Variants in DUSP3 observed in about 807,000 individuals in gnomAD.
DUSP3 encodes dual specificity phosphatase 3.
A neutral mutation model predicts 15.5 loss-of-function variants in DUSP3; 7 were observed. That is an observed-to-expected ratio of 0.45 (90% confidence interval 0.26 to 0.85). DUSP3 has a LOEUF of 0.85. DUSP3 is among the 40% of genes least tolerant of loss of function. The pLI is 0.18. For missense variants in DUSP3, 209 were observed against 251.7 expected, an observed-to-expected ratio of 0.83 and a Z score of 1.15; for synonymous variants, 86 against 104.2, an observed-to-expected ratio of 0.83 and a Z score of 1.07.
chr17:43,778,869 C>T lies in DUSP3; in HGVS notation c.56G>A (p.Gly19Asp), dbSNP rs941388960. The change falls in exon 1 of 3, where the codon GGC becomes GAC. Residue 19 changes from glycine to aspartate, a missense_variant. Physicochemically the swap from Gly to Asp is moderately conservative, Grantham distance 94. Transcript: ENST00000226004. The part of the protein sequence containing the change: ...VQDLNDLLSD[G>D]SGCYSLPSQP... ...GCTCGGGAGGCTGTAGCAGCCGCTG[C>T]CGTCCGAGAGCAGGTCGTTGAGATC... 1.3e-6 allele frequency: 2 copies of T among 1,520,060 alleles called. No individual in the cohort carries two copies. The highest frequency in any genetic ancestry group is 1.2e-5 in the South Asian group (1 of 80,622). The allele number at this position is 1,520,060 out of a possible 1,614,324, so 94.2% of individuals were successfully genotyped here.
At chr17:43,774,632 G>C (rs1406375956) in intron 2 of DUSP3, 80 bp downstream of exon 2, 2 of 1,450,262 alleles carry the variant, frequency 1.4e-6, no homozygotes, top group African/African-American at 2.8e-5. Flanking sequence ...TCTAAGAAGA[G>C]ACCTGTTGTG....
chr17:43,770,546 AC>A (rs1311101427), intron 2 of DUSP3, among the ~76,000 whole-genome samples: 1 of 151,882 alleles, frequency 6.6e-6, no homozygotes, highest in Non-Finnish European at 1.5e-5. Flanking sequence ...AATCCCAGCT[AC>A]TCAGGAGGCT....
rs1230398 is a variant in DUSP3 at position 43,767,867 on chromosome 17, C to A, written c.*1742G>T. 0.89 allele frequency: 135,627 copies of A among 152,132 alleles called. 60,717 individuals are homozygous for A. The highest frequency in any genetic ancestry group is 0.93 in the Non-Finnish European group (62,973 of 68,014). The allele number at this position is 152,132 out of a possible 1,614,324, so 9.4% of individuals were successfully genotyped here. A position where few individuals can be genotyped will look rare whatever the true frequency, so the allele number is the denominator to read the frequency against. ...TGCTTCTGTGTGATCAGAGACCTTCCCAGCCGGGAGTGAGGCCTTACGCCA... is the reference window on the plus strand; with the variant it reads ...TGCTTCTGTGTGATCAGAGACCTTCACAGCCGGGAGTGAGGCCTTACGCCA... On this transcript the variant is annotated 3_prime_UTR_variant, in exon 3 of 3. Coordinates refer to ENST00000226004, the MANE Select transcript of DUSP3 (RefSeq NM_004090.4).
At chr17:43,776,533 G>A (rs747550690) in intron 1 of DUSP3, among the ~76,000 whole-genome samples, 20 of 152,232 alleles carry the variant, frequency 1.3e-4, no homozygotes, top group African/African-American at 3.9e-4. Flanking sequence ...ACGTGGCTGC[G>A]GCCCTGATTT....
chr17:43,777,002 T>C (rs993321738), intron 1 of DUSP3, among the ~76,000 whole-genome samples: 1 of 152,146 alleles, frequency 6.6e-6, no homozygotes, highest in Admixed American at 6.6e-5. Context: ...AGATGGAGTT[T>C]CGCTCTTGTT....
chr17:43,772,813 G>A (rs1417739200), intron 2 of DUSP3, among the ~76,000 whole-genome samples: 2 of 152,098 alleles, frequency 1.3e-5, no homozygotes, highest in Non-Finnish European at 2.9e-5. Context: ...AGGACAAGGT[G>A]GAGTTTGCCA....
intron 1 of DUSP3, among the ~76,000 whole-genome samples, chr17:43,776,519 G>A (rs1052705342): frequency 2.5e-4 from 38 of 152,398 alleles, no homozygotes; most frequent in African/African-American, 8.4e-4. Flanking sequence ...TCTGCCTTGT[G>A]AGGACGTGGC....
chr17:43,777,162 A>G (rs965176028), intron 1 of DUSP3, among the ~76,000 whole-genome samples: 4 of 152,096 alleles, frequency 2.6e-5, no homozygotes, highest in African/African-American at 9.7e-5. Context: ...TAGTAGAGAC[A>G]GGGTTTCACC....
In DUSP3 at chr17:43,768,528, C is replaced by T. The variant is rs1169664746; in HGVS notation, c.*1081G>A. On this transcript the variant is annotated 3_prime_UTR_variant, in exon 3 of 3. Transcript: ENST00000226004. ...TGGCACCAGAGAGCTGTAAGAGCCA[C>T]CTGCAATGGGCAGGGTGTGTGCCTG... 2 of 152,244 alleles carry T rather than the reference C, an allele frequency of 1.3e-5. No individual in the cohort carries two copies. The highest frequency in any genetic ancestry group is 4.8e-5 in the African/African-American group (2 of 41,434). 9.4% of individuals were successfully genotyped at this position (152,244 alleles called of 1,614,324 possible).
Position 43,769,597 on chromosome 17 carries a change from G to A in DUSP3, c.*12C>T, listed in dbSNP as rs771776375. The A allele has an allele frequency of 9.9e-6, 16 of 1,610,206 alleles. No individual in the cohort carries two copies. The highest frequency in any genetic ancestry group is 1.1e-5 in the South Asian group (1 of 90,918). ...CCCCACGGACCTCTCGAGCAGAGGT[G>A]GTGGGGGTGCCCTAGGGTTTCAACT... On this transcript the variant is annotated 3_prime_UTR_variant, in exon 3 of 3. Coordinates refer to ENST00000226004, the MANE Select transcript of DUSP3 (RefSeq NM_004090.4).
chr17:43,772,086 T>C (rs1023555353), intron 2 of DUSP3, among the ~76,000 whole-genome samples: 1 of 151,948 alleles, frequency 6.6e-6, no homozygotes, highest in Admixed American at 6.5e-5. Flanking sequence ...GCATACACTA[T>C]GTGCTCAATA....
At chr17:43,775,837 G>A (rs1212650125) in intron 1 of DUSP3, among the ~76,000 whole-genome samples, 20 of 152,114 alleles carry the variant, frequency 1.3e-4, no homozygotes, top group Non-Finnish European at 2.8e-4. Context: ...TCTAAGGTCG[G>A]GTGCAGTGGC....
intron 1 of DUSP3, among the ~76,000 whole-genome samples, chr17:43,776,855 C>A (rs1418635370): frequency 6.6e-6 from 1 of 152,218 alleles, no homozygotes; most frequent in Admixed American, 6.5e-5. Context: ...ATTCCTGAAG[C>A]CTTTGGCTGA....
chr17:43,774,574 G>T, intron 2 of DUSP3, 138 bp downstream of exon 2: 1 of 937,364 alleles, frequency 1.1e-6, no homozygotes, highest in South Asian at 1.5e-5. Context: ...AGCAGAGAGA[G>T]ACCTACAGCT....
intron 2 of DUSP3, chr17:43,774,067 G>A (rs563499339): frequency 4.4e-4 from 92 of 210,400 alleles, no homozygotes; most frequent in African/African-American, 2.2e-3. Flanking sequence ...AGCCAAGATC[G>A]CGCCATTGCT....
Position 43,768,945 on chromosome 17 carries a change from A to T in DUSP3, c.*664T>A, listed in dbSNP as rs1208970381. ...CACATTTTGAAAACTCTATGGATTT[A>T]GGAGGGTTCTCCAGGTTTGCCCACA... On this transcript the variant is annotated 3_prime_UTR_variant, in exon 3 of 3. Coordinates refer to ENST00000226004, the MANE Select transcript of DUSP3 (RefSeq NM_004090.4). 2 of 152,280 alleles carry T rather than the reference A, an allele frequency of 1.3e-5. No homozygotes were observed. Among genetic ancestry groups the T allele is most frequent in the Non-Finnish European group, 2.9e-5 (2 of 68,058 alleles). The allele number at this position is 152,280 out of a possible 1,614,324, so 9.4% of individuals were successfully genotyped here.
At chr17:43,770,369 T>TG (rs1974299526) in intron 2 of DUSP3, among the ~76,000 whole-genome samples, 1 of 152,162 alleles carries the variant, frequency 6.6e-6, no homozygotes, top group African/African-American at 2.4e-5. Flanking sequence ...GTCAGAAGCC[T>TG]GCAAGGGGCT....
chr17:43,771,432 G>C (rs371969951), intron 2 of DUSP3, among the ~76,000 whole-genome samples: 61 of 152,216 alleles, frequency 4.0e-4, no homozygotes, highest in African/African-American at 1.4e-3. Flanking sequence ...AGAGAATCCT[G>C]ACCAATACAC....
At chr17:43,773,502 G>A (rs1215288183) in intron 2 of DUSP3, among the ~76,000 whole-genome samples, 3 of 152,190 alleles carry the variant, frequency 2.0e-5, no homozygotes, top group Admixed American at 2.0e-4. Flanking sequence ...TTTGGGGGCT[G>A]CAGGAAGTGT....
Sources: allele counts gnomAD v4.1 joint callset (sites outside exome capture counted in the v4.1 genomes callset), GRCh38; gene constraint gnomAD v4.1.1; transcripts MANE v1.5; gene names NCBI Gene and HGNC (gene_info 2026-07-23, HGNC 2026-07-21).